Variants in PHPT1 observed in about 807,000 individuals in gnomAD.
PHPT1 encodes the protein phosphohistidine phosphatase 1.
In PHPT1, 16 loss-of-function variants were observed where a neutral mutation model predicts 15.6. The ratio of observed to expected loss-of-function variants is 1.03; its 90% CI spans 0.70 to 1.56. PHPT1 has a LOEUF of 1.56. PHPT1 is among the 40% of genes most tolerant of loss of function. The pLI is 0.00. For missense variants in PHPT1, 228 were observed against 171.0 expected (o/e 1.33, Z -1.86); for synonymous variants, 102 against 68.1 (o/e 1.50, Z -2.45).
intron 2 of PHPT1, 50 bp downstream of exon 2, chr9:136,850,187 G>C (rs571937666): frequency 6.2e-7 from 1 of 1,610,920 alleles, no homozygotes; most frequent in Non-Finnish European, 8.5e-7. Context: ...TACCAGCTTC[G>C]AGGCCCACCT....
chr9:136,850,424 G>T, intron 2 of PHPT1: 1 of 1,285,984 alleles, frequency 7.8e-7, no homozygotes, highest in Non-Finnish European at 1.1e-6. Context: ...CCAGCACTTT[G>T]GGCCCTGGGC....
In PHPT1 at chr9:136,849,998, G is replaced by A. The variant is rs764568667; in HGVS notation, c.161-15G>A. 3 of 1,604,924 alleles carry A rather than the reference G, an allele frequency of 1.9e-6. No individual in the cohort carries two copies. The highest frequency in any genetic ancestry group is 1.3e-5 in the African/African-American group (1 of 74,940). ...GGCGGCCAGGGCACGTCCTGAGGCC[G>A]CCCTCCCATCCCAGCGGACATCTAC... On this transcript the variant is annotated splice_polypyrimidine_tract_variant and intron_variant, in intron 1 of 2. Coordinates refer to ENST00000247665, the MANE Select transcript of PHPT1 (RefSeq NM_014172.6).
chr9:136,850,770 C>T lies in PHPT1; in HGVS notation c.301C>T (p.Gln101Ter), dbSNP rs984090533. The T allele has an allele frequency of 6.8e-6, 11 of 1,613,150 alleles. No individual in the cohort carries two copies. Among genetic ancestry groups the T allele is most frequent in the Non-Finnish European group, 8.5e-6 (10 of 1,179,838 alleles). ...TCTTCTCCAGGCCTATGGTCCTGCCCAGCACGCCATTTCAACTGAGAAAAT... is the reference window on the plus strand; with the variant it reads ...TCTTCTCCAGGCCTATGGTCCTGCCTAGCACGCCATTTCAACTGAGAAAAT... The part of the protein sequence containing the change: ...YGYSMAYGPA[Q>*]HAISTEKIKA... The change falls in exon 3 of 3, where the codon CAG (glutamine) becomes TAG (stop). Residue 101 changes from glutamine (Q) to a stop codon, truncating the protein, a stop_gained. Coordinates refer to ENST00000247665, the MANE Select transcript of PHPT1 (RefSeq NM_014172.6). LOFTEE classifies it high-confidence loss of function.
intron 2 of PHPT1, 116 bp downstream of exon 2, chr9:136,850,253 T>C (rs1222092468): frequency 2.8e-6 from 4 of 1,407,120 alleles, no homozygotes; most frequent in East Asian, 4.8e-5. Context: ...CCTGGGGTTC[T>C]CCCAGGGTCG....
chr9:136,850,738 C>G lies in PHPT1; in HGVS notation c.286-17C>G. ...GAAGGGTCCAGGTAGTGCCAGCAGG[C>G]GTCTTCTCTTCTCCAGGCCTATGGT... On this transcript the variant is annotated splice_polypyrimidine_tract_variant and intron_variant, in intron 2 of 2. Transcript: ENST00000247665. 1 of 1,601,990 alleles carries G rather than the reference C, an allele frequency of 6.2e-7. No homozygotes were observed. Among genetic ancestry groups the G allele is most frequent in the Non-Finnish European group, 8.5e-7 (1 of 1,169,950 alleles).
At position 136,849,506 on chromosome 9, in the gene PHPT1, C is replaced by G; in HGVS notation, c.76C>G (p.Arg26Gly). The change falls in exon 1 of 3, where the codon CGA (arginine) becomes GGA (glycine). Residue 26 changes from arginine (R) to glycine (G), a missense_variant. Arg to Gly is a moderately radical substitution (Grantham distance 125). Transcript: ENST00000247665. ...SDGVFKYVLI[R>G]VHSAPRSGAP... ...CGGCGTCTTCAAGTATGTGCTGATC[C>G]GAGTCCACTCGGCTCCCCGCTCCGG... is the stretch of plus-strand genomic sequence containing the variant. The G allele has an allele frequency of 1.9e-6, 3 of 1,611,556 alleles. No homozygotes were observed. The highest frequency in any genetic ancestry group is 2.2e-5 in the South Asian group (2 of 90,900).
At position 136,849,442 on chromosome 9, in the gene PHPT1, G is replaced by C. The variant is rs41309982; in HGVS notation, c.12G>C (p.Ala4=). 14 of 1,603,410 alleles carry C rather than the reference G, an allele frequency of 8.7e-6. No homozygotes were observed. Among genetic ancestry groups the C allele is most frequent in the South Asian group, 2.2e-5 (2 of 90,196 alleles). ...CCGGGAGGAGGAACATGGCGGTGGCGGACCTCGCTCTCATTCCTGATGTGG... is the reference window on the plus strand; with the variant it reads ...CCGGGAGGAGGAACATGGCGGTGGCCGACCTCGCTCTCATTCCTGATGTGG... MAV[A]DLALIPDVDI... Residue 4 remains alanine, a synonymous_variant, in exon 1 of 3, where the codon GCG becomes GCC. Transcript: ENST00000247665.
At position 136,850,307 on chromosome 9, in the gene PHPT1, C is replaced by T. The variant is rs1417366287; in HGVS notation, c.285+170C>T. The T allele has an allele frequency of 8.9e-6, 8 of 902,578 alleles. No individual in the cohort carries two copies. The South Asian group carries it at 9.4e-5, about 11-fold the overall frequency. 55.9% of individuals were successfully genotyped at this position (902,578 alleles called of 1,614,324 possible). A position where few individuals can be genotyped will look rare whatever the true frequency, so the allele number is the denominator to read the frequency against. On this transcript the variant is annotated intron_variant, in intron 2 of 2. Coordinates refer to ENST00000247665, the MANE Select transcript of PHPT1 (RefSeq NM_014172.6). ...CAGGGCCCATTGTGTTCCTGCATTC[C>T]CCCATGGAGCACACGCCAGACCTGA...
At chr9:136,850,723 G>A in intron 2 of PHPT1, 32 bp from the exon 3 acceptor site, 2 of 1,575,406 alleles carry the variant, frequency 1.3e-6, no homozygotes, top group Non-Finnish European at 1.7e-6. Flanking sequence ...GAAGGGTCCA[G>A]GTAGTGCCAG....
intron 1 of PHPT1, 32 bp downstream of exon 1, chr9:136,849,622 C>G: frequency 6.1e-6 from 9 of 1,470,308 alleles, no homozygotes; most frequent in Non-Finnish European, 8.2e-6. Context: ...ATGCCAGGGG[C>G]ACGCCTGGCG....
Position 136,849,460 on chromosome 9 carries a change from T to C in PHPT1, c.30T>C (p.Pro10=). The change falls in exon 1 of 3, where the codon CCT becomes CCC. Residue 10 remains proline (P), a synonymous_variant. Transcript: ENST00000247665. MAVADLALI[P]DVDIDSDGVF... The stretch of plus-strand genomic sequence containing the variant: ...CGGTGGCGGACCTCGCTCTCATTCC[T>C]GATGTGGACATCGACTCCGACGGCG... The C allele has an allele frequency of 6.2e-7, 1 of 1,610,812 alleles. No homozygotes were observed.
rs1002271614 is a variant in PHPT1 at position 136,849,728 on chromosome 9, G to C, written c.160+138G>C. 22 of 840,444 alleles carry C rather than the reference G, an allele frequency of 2.6e-5. No homozygotes were observed. The South Asian group carries it at 4.4e-4, about 17-fold the overall frequency. The allele number at this position is 840,444 out of a possible 1,614,324, so 52.1% of individuals were successfully genotyped here. On this transcript the variant is annotated intron_variant, in intron 1 of 2. Transcript: ENST00000247665. The stretch of plus-strand genomic sequence containing the variant: ...GGGGCTGCGGGCCGTAGCGGACTGC[G>C]CTCTGCTCCGAGTCCTGCCCCTGCT...
chr9:136,849,890 G>T (rs1479761933), intron 1 of PHPT1, 123 bp from the exon 2 acceptor site: 7 of 1,043,816 alleles, frequency 6.7e-6, no homozygotes, highest in Non-Finnish European at 8.4e-6. Context: ...GCCTCAAGGG[G>T]CTTCGTCTCT....
Position 136,849,492 on chromosome 9 carries a change from A to T in PHPT1, c.62A>T (p.Lys21Met). The T allele has an allele frequency of 6.2e-7, 1 of 1,611,868 alleles. No homozygotes were observed. ...GACATCGACTCCGACGGCGTCTTCA[A>T]GTATGTGCTGATCCGAGTCCACTCG... Reference protein sequence around the residue: ...DVDIDSDGVFKYVLIRVHSAP... With the variant: ...DVDIDSDGVFMYVLIRVHSAP... Residue 21 changes from lysine (K) to methionine (M), a missense_variant, in exon 1 of 3, where the codon AAG becomes ATG. Coordinates refer to ENST00000247665, the MANE Select transcript of PHPT1 (RefSeq NM_014172.6).
intron 1 of PHPT1, 33 bp from the exon 2 acceptor site, chr9:136,849,980 A>C: frequency 1.9e-6 from 3 of 1,592,750 alleles, no homozygotes; most frequent in Non-Finnish European, 2.6e-6. Flanking sequence ...AAGGGCGGCC[A>C]GGGCACGTCC....
chr9:136,849,610 G>A lies in PHPT1; in HGVS notation c.160+20G>A, dbSNP rs1848851856. ...ACCATGGTGAGGGCGGGACCTGCGG[G>A]CATGCCAGGGGCACGCCTGGCGAGG... On this transcript the variant is annotated intron_variant, in intron 1 of 2. Transcript: ENST00000247665. 1.4e-6 allele frequency: 2 copies of A among 1,464,558 alleles called. No homozygotes were observed. Among genetic ancestry groups the A allele is most frequent in the Non-Finnish European group, 1.8e-6 (2 of 1,098,996 alleles). The allele number at this position is 1,464,558 out of a possible 1,614,324, so 90.7% of individuals were successfully genotyped here. A position where few individuals can be genotyped will look rare whatever the true frequency, so the allele number is the denominator to read the frequency against.
intron 2 of PHPT1, 104 bp from the exon 3 acceptor site, chr9:136,850,651 C>A: frequency 2.0e-6 from 3 of 1,495,040 alleles, no homozygotes; most frequent in Non-Finnish European, 2.8e-6. Flanking sequence ...ACTGCCTATC[C>A]CTTTCCCACA....
At position 136,850,882 on chromosome 9, in the gene PHPT1, C is replaced by T. The variant is rs1848901887; in HGVS notation, c.*35C>T. 6.7e-7 allele frequency: 1 copy of T among 1,499,572 alleles called. No homozygotes were observed. Among genetic ancestry groups the T allele is most frequent in the Admixed American group, 1.7e-5 (1 of 59,860 alleles). The allele number at this position is 1,499,572 out of a possible 1,614,324, so 92.9% of individuals were successfully genotyped here. On this transcript the variant is annotated 3_prime_UTR_variant, in exon 3 of 3. Coordinates refer to ENST00000247665, the MANE Select transcript of PHPT1 (RefSeq NM_014172.6). Reference sequence around the variant, plus strand: ...GCCCGGGGCCTGCTGCCTCCAGCAGCCACTTCAGAGCCCCCGCCTTTGCCT... The same window carrying T: ...GCCCGGGGCCTGCTGCCTCCAGCAGTCACTTCAGAGCCCCCGCCTTTGCCT...
At position 136,850,766 on chromosome 9, in the gene PHPT1, T is replaced by TG. The variant is rs1328460181; in HGVS notation, c.298dup (p.Ala100GlyfsTer8). ...CTTCTCTTCTCCAGGCCTATGGTCC[T>TG]GCCCAGCACGCCATTTCAACTGAGA... is the stretch of plus-strand genomic sequence containing the variant. On this transcript the variant is annotated frameshift_variant, in exon 3 of 3. Coordinates refer to ENST00000247665, the MANE Select transcript of PHPT1 (RefSeq NM_014172.6). LOFTEE classifies it high-confidence loss of function. The TG allele has an allele frequency of 1.3e-5, 21 of 1,613,002 alleles. No homozygotes were observed. The highest frequency in any genetic ancestry group is 1.7e-5 in the Non-Finnish European group (20 of 1,179,836).
Sources: allele counts gnomAD v4.1 joint callset, GRCh38; gene constraint gnomAD v4.1.1; transcripts MANE v1.5; gene names NCBI Gene and HGNC (gene_info 2026-07-23, HGNC 2026-07-21).